MACROD2: variants seen among roughly 807,000 people sequenced by gnomAD.
MACROD2 encodes ADP-ribose glycohydrolase MACROD2.
Under a neutral mutation model 70.4 loss-of-function variants are expected in MACROD2, and 36 were observed. The observed-to-expected ratio is 0.51, with a 90% CI of 0.39 to 0.68. MACROD2 has a LOEUF of 0.68. MACROD2 is among the 30% of genes least tolerant of loss of function. The pLI is 0.00. For missense variants in MACROD2, 496 were observed against 538.4 expected (o/e 0.92, Z 0.78); for synonymous variants, 172 against 178.8 (o/e 0.96, Z 0.30).
intron 3 of MACROD2, among the ~76,000 whole-genome samples, chr20:14,383,926 G>A (rs1357096478): frequency 6.6e-6 from 1 of 151,642 alleles, no homozygotes; most frequent in African/African-American, 2.4e-5. Flanking sequence ...CATTTACCAG[G>A]GTTTTATAAC....
At chr20:15,160,382 G>A (rs1237129498) in intron 5 of MACROD2, among the ~76,000 whole-genome samples, 2 of 152,114 alleles carry the variant, frequency 1.3e-5, no homozygotes, top group Non-Finnish European at 2.9e-5. Flanking sequence ...TAAAAACATT[G>A]TAGAAACCAC....
intron 8 of MACROD2, among the ~76,000 whole-genome samples, chr20:15,613,440 T>A (rs1317969166): frequency 6.6e-6 from 1 of 152,228 alleles, no homozygotes; most frequent in Non-Finnish European, 1.5e-5. Flanking sequence ...GATAGCAGTA[T>A]AATGCTTAGA....
chr20:14,736,043 A>G (rs1568766879), intron 5 of MACROD2, among the ~76,000 whole-genome samples: 1 of 152,180 alleles, frequency 6.6e-6, no homozygotes, highest in Non-Finnish European at 1.5e-5. Context: ...TAGCAGCAAT[A>G]TTCATAATAG....
chr20:14,732,218 G>A (rs527470922), intron 5 of MACROD2, among the ~76,000 whole-genome samples: 2 of 152,252 alleles, frequency 1.3e-5, no homozygotes, highest in Admixed American at 1.3e-4. Flanking sequence ...GCGTCATTTT[G>A]TAATGTTCCT....
intron 8 of MACROD2, among the ~76,000 whole-genome samples, chr20:15,754,627 A>G (rs1022473731): frequency 4.6e-5 from 7 of 151,282 alleles, no homozygotes; most frequent in Admixed American, 1.3e-4. Flanking sequence ...CTCTGTCTCT[A>G]AAAAAGAAAA....
chr20:14,795,591 C>T (rs932719137), intron 5 of MACROD2, among the ~76,000 whole-genome samples: 2 of 152,086 alleles, frequency 1.3e-5, no homozygotes, highest in African/African-American at 2.4e-5. Flanking sequence ...ATGTTTGAGA[C>T]ATCTGTGAAA....
intron 4 of MACROD2, among the ~76,000 whole-genome samples, chr20:14,632,850 A>T (rs550552512): frequency 2.6e-5 from 4 of 152,388 alleles, no homozygotes; most frequent in African/African-American, 9.6e-5. Flanking sequence ...TGTCTTGATT[A>T]TCACCATTTA....
At chr20:14,039,951 A>T (rs1332082412) in intron 2 of MACROD2, among the ~76,000 whole-genome samples, 1 of 152,210 alleles carries the variant, frequency 6.6e-6, no homozygotes, top group Non-Finnish European at 1.5e-5. Context: ...GTAGAGTGAC[A>T]TAAATGTCTT....
intron 4 of MACROD2, among the ~76,000 whole-genome samples, chr20:14,602,292 GTT>G (rs1446016201): frequency 6.6e-6 from 1 of 152,234 alleles, no homozygotes; most frequent in African/African-American, 2.4e-5. Context: ...CTGAGGTACT[GTT>G]TGCACATGCA....
At chr20:15,940,766 C>G (rs2065740444) in intron 12 of MACROD2, among the ~76,000 whole-genome samples, 1 of 152,140 alleles carries the variant, frequency 6.6e-6, no homozygotes, top group African/African-American at 2.4e-5. Context: ...CCCACATAGG[C>G]TCTGATAGGA....
chr20:15,910,684 G>A (rs2065223662), intron 10 of MACROD2, among the ~76,000 whole-genome samples: 1 of 152,136 alleles, frequency 6.6e-6, no homozygotes, highest in Admixed American at 6.5e-5. Flanking sequence ...ATATGAAATT[G>A]AACACGTCGG....
At chr20:15,293,979 G>A (rs1176083899) in intron 6 of MACROD2, among the ~76,000 whole-genome samples, 1 of 151,958 alleles carries the variant, frequency 6.6e-6, no homozygotes, top group Non-Finnish European at 1.5e-5. Context: ...AATTAGCTGG[G>A]CGTGGTGATG....
At chr20:15,839,240 G>A (rs1401947567) in intron 8 of MACROD2, among the ~76,000 whole-genome samples, 1 of 152,046 alleles carries the variant, frequency 6.6e-6, no homozygotes, top group Non-Finnish European at 1.5e-5. Context: ...TGTGAGCAAG[G>A]ACTATGGACA....
In MACROD2 at chr20:15,718,739, T is replaced by A. The variant is rs180757862; in HGVS notation, c.646-144006T>A. 3.0e-3 allele frequency among the ~76,000 whole-genome samples: 461 copies of A among 152,304 alleles called. 4 individuals are homozygous for A. Among genetic ancestry groups the A allele is most frequent in the Admixed American group, 3.4e-3 (52 of 15,306 alleles). On this transcript the variant is annotated intron_variant, in intron 8 of 17. Coordinates refer to ENST00000684519, the MANE Select transcript of MACROD2 (RefSeq NM_001351661.2). ...CAGTCTCCATCTTAGATCCATGACT[T>A]ACGGGGGAAGTTATACCCCCTAACG...
chr20:15,678,258 C>T (rs911401432), intron 8 of MACROD2, among the ~76,000 whole-genome samples: 2 of 152,180 alleles, frequency 1.3e-5, no homozygotes, highest in African/African-American at 2.4e-5. Flanking sequence ...CCCAACAACT[C>T]AGGAGGCTGA....
chr20:14,398,246 T>C (rs1021771967), intron 3 of MACROD2, among the ~76,000 whole-genome samples: 13 of 152,162 alleles, frequency 8.5e-5, no homozygotes, highest in African/African-American at 3.1e-4. Flanking sequence ...TTGATTTACT[T>C]TCTTTTGAAT....
At chr20:14,641,257 G>A (rs914436229) in intron 4 of MACROD2, among the ~76,000 whole-genome samples, 1 of 152,244 alleles carries the variant, frequency 6.6e-6, no homozygotes. Flanking sequence ...ATTCAGTCAC[G>A]TATTTAGGCT....
At chr20:14,507,397 A>G (rs1366035354) in intron 4 of MACROD2, among the ~76,000 whole-genome samples, 1 of 152,226 alleles carries the variant, frequency 6.6e-6, no homozygotes, top group East Asian at 1.9e-4. Flanking sequence ...AGAAGGAATA[A>G]GGAGTTATTG....
intron 12 of MACROD2, among the ~76,000 whole-genome samples, chr20:15,962,013 G>A (rs2147393267): frequency 6.6e-6 from 1 of 152,314 alleles, no homozygotes; most frequent in Middle Eastern, 3.4e-3. Context: ...TTGATTGAAA[G>A]GGTAATTAAG....
Sources: allele counts gnomAD v4.1 joint callset (sites outside exome capture counted in the v4.1 genomes callset), GRCh38; gene constraint gnomAD v4.1.1; transcripts MANE v1.5; gene names NCBI Gene and HGNC (gene_info 2026-07-23, HGNC 2026-07-21).